MAPT: variants seen among roughly 807,000 people sequenced by gnomAD.
The protein encoded by MAPT is microtubule-associated protein tau.
A neutral mutation model predicts 67.9 loss-of-function variants in MAPT; 34 were observed. The ratio of observed to expected loss-of-function variants is 0.50; its 90% CI spans 0.38 to 0.67. The LOEUF is 0.67. MAPT is among the 30% of genes least tolerant of loss of function. MAPT has a pLI of 0.00. For synonymous variants in MAPT, 456 were observed against 464.5 expected (o/e 0.98, Z 0.23); for missense variants, 881 against 1,115.2 (o/e 0.79, Z 2.99).
rs755579090 is a variant in MAPT at position 45,989,929 on chromosome 17, C to T, written c.1459C>T (p.Pro487Ser). 1 of 1,614,152 alleles carries T rather than the reference C, an allele frequency of 6.2e-7. No individual in the cohort carries two copies. Among genetic ancestry groups the T allele is most frequent in the East Asian group, 2.2e-5 (1 of 44,876 alleles). Reference protein sequence around the residue: ...KTLKNRPCLSPKHPTPGSSDP... With the variant: ...KTLKNRPCLSSKHPTPGSSDP... ...CTTGAAAAATAGGCCTTGCCTTAGCCCCAAACACCCCACTCCTGGTAGCTC... is the reference window on the plus strand; with the variant it reads ...CTTGAAAAATAGGCCTTGCCTTAGCTCCAAACACCCCACTCCTGGTAGCTC... Residue 487 changes from proline to serine, a missense_variant, in exon 7 of 13, where the codon CCC becomes TCC. Pro to Ser is a moderately conservative substitution (Grantham distance 74). This residue lies in a region of MAPT where 687 missense variants were observed against 766.1 expected (regional missense o/e 0.90). Transcript: ENST00000262410.
chr17:45,921,535 C>T (rs1006374577), intron 1 of MAPT, among the ~76,000 whole-genome samples: 8 of 152,174 alleles, frequency 5.3e-5, no homozygotes, highest in African/African-American at 1.9e-4. Context: ...AATCGAGCAT[C>T]ATGTCACCCG....
chr17:45,912,321 T>C (rs1358196500), intron 1 of MAPT, among the ~76,000 whole-genome samples: 3 of 152,224 alleles, frequency 2.0e-5, no homozygotes, highest in Non-Finnish European at 2.9e-5. Flanking sequence ...AAGGGGTCTT[T>C]GTAGATGTGG....
In MAPT at chr17:45,995,395, G is replaced by A. The variant is rs2074388722; in HGVS notation, c.1733-1004G>A. Reference sequence around the variant, plus strand: ...ATTCTGCTCTATCCACTCTTGAAGGGGATCGAGAAATTTGCATTTTGCAAC... The same window carrying A: ...ATTCTGCTCTATCCACTCTTGAAGGAGATCGAGAAATTTGCATTTTGCAAC... On this transcript the variant is annotated intron_variant, in intron 8 of 12. Transcript: ENST00000262410. The surrounding 1 kb of genome is among the most constrained non-coding windows in gnomAD (Gnocchi z 4.3). 6.6e-6 allele frequency among the ~76,000 whole-genome samples: 1 copy of A among 152,258 alleles called. No individual in the cohort carries two copies. The highest frequency in any genetic ancestry group is 1.9e-4 in the East Asian group (1 of 5,190).
chr17:45,955,614 CA>C (rs1199344926), intron 1 of MAPT, among the ~76,000 whole-genome samples: 2 of 152,214 alleles, frequency 1.3e-5, no homozygotes, highest in African/African-American at 4.8e-5. Context: ...TTGGCAGCCA[CA>C]ACACAAGCAA....
intron 1 of MAPT, among the ~76,000 whole-genome samples, chr17:45,910,241 A>C (rs1178617623): frequency 2.0e-5 from 3 of 152,106 alleles, no homozygotes; most frequent in Non-Finnish European, 4.4e-5. Flanking sequence ...AGTGGATAGT[A>C]CTTTACAGTT....
rs71138518 is a variant in MAPT, at chr17:45,903,754, TA to T, written c.-18+9069del. Among the ~76,000 whole-genome samples the T allele has an allele frequency of 3.0e-3, 213 of 70,210 alleles. 7 individuals carry two copies. In the East Asian group the frequency reaches 0.036, roughly 12 times the overall value. 46.1% of individuals were successfully genotyped at this position (70,210 alleles called of 152,430 possible). Reference sequence around the variant, plus strand: ...AAAGGAATCTCTTTGGTTTTATATATATTTTTTTTATATATATAATATATAT... The same window carrying T: ...AAAGGAATCTCTTTGGTTTTATATATTTTTTTTTATATATATAATATATAT... On this transcript the variant is annotated intron_variant, in intron 1 of 12. Transcript: ENST00000262410.
intron 8 of MAPT, among the ~76,000 whole-genome samples, chr17:45,993,081 C>G (rs555106421): frequency 3.9e-5 from 6 of 152,098 alleles, no homozygotes; most frequent in Non-Finnish European, 8.8e-5. Context: ...GCACTTGCTG[C>G]GGGCTGTGAC....
At chr17:45,944,316 G>C (rs992447569) in intron 1 of MAPT, among the ~76,000 whole-genome samples, 7 of 152,158 alleles carry the variant, frequency 4.6e-5, no homozygotes, top group Non-Finnish European at 8.8e-5. Flanking sequence ...TCCATGGAGG[G>C]AGCTGAGCCG....
intron 1 of MAPT, among the ~76,000 whole-genome samples, chr17:45,941,717 T>TCCTGCCTTCCTTCCTG (rs1195804704): frequency 1.1e-5 from 1 of 88,380 alleles, no homozygotes; most frequent in South Asian, 4.4e-4. Flanking sequence ...CTTCCTTCCT[T>TCCTGCCTTCCTTCCTG]CCTTCCTTCC....
intron 3 of MAPT, chr17:45,975,805 A>G (rs62063777): frequency 0.14 from 22,011 of 152,280 alleles, 2,146 homozygotes; most frequent in Non-Finnish European, 0.22. Flanking sequence ...GAGGGCTGGC[A>G]GGGAGGGGAG....
At chr17:45,993,661 A>G (rs2074248374) in intron 8 of MAPT, among the ~76,000 whole-genome samples, 1 of 152,110 alleles carries the variant, frequency 6.6e-6, no homozygotes, top group Non-Finnish European at 1.5e-5. Flanking sequence ...TGATCCGCCC[A>G]CCTCGGCCTC....
At chr17:46,016,930 C>T (rs888782231) in intron 11 of MAPT, among the ~76,000 whole-genome samples, 9 of 152,094 alleles carry the variant, frequency 5.9e-5, no homozygotes, top group Admixed American at 1.3e-4. Flanking sequence ...CCATATCGGA[C>T]GACACAGCTA....
intron 11 of MAPT, among the ~76,000 whole-genome samples, chr17:46,014,670 T>G (rs550159194): frequency 2.6e-5 from 4 of 152,002 alleles, no homozygotes; most frequent in East Asian, 3.9e-4. Flanking sequence ...GTCAGGAGAT[T>G]GAGACCATCC....
chr17:45,999,525 G>C, intron 9 of MAPT: 1 of 1,613,884 alleles, frequency 6.2e-7, no homozygotes, highest in South Asian at 1.1e-5. Flanking sequence ...GCTCTGAAGA[G>C]AGCAGCAGGA....
chr17:45,903,484 C>A (rs1234351387), intron 1 of MAPT, among the ~76,000 whole-genome samples: 2 of 151,748 alleles, frequency 1.3e-5, no homozygotes, highest in African/African-American at 2.4e-5. Flanking sequence ...CTTTGGGAGG[C>A]CGAGGCGGGC....
At chr17:45,903,237 C>G (rs753710663) in intron 1 of MAPT, among the ~76,000 whole-genome samples, 2 of 152,182 alleles carry the variant, frequency 1.3e-5, no homozygotes, top group Non-Finnish European at 2.9e-5. Context: ...TTGGAGCCAG[C>G]GTTCTAAATC....
At chr17:45,982,791 C>A in intron 4 of MAPT, 75 bp from the exon 5 acceptor site, 1 of 778,106 alleles carries the variant, frequency 1.3e-6, no homozygotes, top group Non-Finnish European at 1.6e-6. Flanking sequence ...TCATTTTGTC[C>A]AGGATGATGC....
intron 3 of MAPT, chr17:45,972,808 C>G (rs2145483496): frequency 6.5e-6 from 1 of 153,334 alleles, no homozygotes; most frequent in East Asian, 1.9e-4. Context: ...AAATGTGTCC[C>G]CTTAGGAAAG....
chr17:45,949,849 G>C (rs1334452876), intron 1 of MAPT, among the ~76,000 whole-genome samples: 1 of 152,132 alleles, frequency 6.6e-6, no homozygotes, highest in Non-Finnish European at 1.5e-5. Flanking sequence ...AGGCGGATTG[G>C]TCATCACCTC....
Sources: gnomAD v4.1 joint callset for allele counts (sites outside exome capture counted in the v4.1 genomes callset) on GRCh38, gnomAD v4.1.1 for gene constraint, gnomAD v4.1.1 regional missense constraint, Gnocchi (gnomAD v3.1) non-coding constraint, MANE v1.5 for transcripts, NCBI Gene and HGNC (gene_info 2026-07-23, HGNC 2026-07-21) for gene names.